RYR3: variants seen among roughly 807,000 people sequenced by gnomAD.
RYR3 encodes ryanodine receptor 3.
A neutral mutation model predicts 584.3 loss-of-function variants in RYR3; 207 were observed. The observed-to-expected ratio is 0.35, with a 90% CI of 0.32 to 0.40. The LOEUF is 0.40. Ranked by LOEUF, RYR3 falls within the 10% of genes least tolerant of loss-of-function variation. The probability of loss-of-function intolerance (pLI) is 1.00; values close to 1 mark genes in which losing one functional copy is unlikely to be tolerated. For missense variants in RYR3, 5,616 were observed against 6,089.2 expected (o/e 0.92, Z 2.59); for synonymous variants, 2,416 against 2,248.5 (o/e 1.07, Z -2.11).
intron 1 of RYR3, among the ~76,000 whole-genome samples, chr15:33,371,848 G>T (rs1324391058): frequency 6.6e-6 from 1 of 152,220 alleles, no homozygotes; most frequent in Non-Finnish European, 1.5e-5. Context: ...CCTGCTGTCA[G>T]ATGGGAGTTT....
intron 38 of RYR3, among the ~76,000 whole-genome samples, chr15:33,671,105 T>C (rs2063810432): frequency 6.6e-6 from 1 of 152,196 alleles, no homozygotes; most frequent in South Asian, 2.1e-4. Context: ...TGTCTAGATT[T>C]ATCTCTCTAA....
chr15:33,673,279 C>G (rs1258948720), intron 38 of RYR3, among the ~76,000 whole-genome samples: 2 of 152,248 alleles, frequency 1.3e-5, no homozygotes, highest in Non-Finnish European at 2.9e-5. Context: ...ACCCCGCAGT[C>G]CCTCTGCTGT....
intron 42 of RYR3, among the ~76,000 whole-genome samples, chr15:33,703,510 C>T (rs2066458524): frequency 6.6e-6 from 1 of 152,164 alleles, no homozygotes; most frequent in African/African-American, 2.4e-5. Flanking sequence ...TGCACGTATC[C>T]TTGCTATCTC....
At chr15:33,633,271 G>C (rs765512564) in intron 24 of RYR3, among the ~76,000 whole-genome samples, 163 bp downstream of exon 24, 2 of 152,232 alleles carry the variant, frequency 1.3e-5, no homozygotes, top group Non-Finnish European at 2.9e-5. Context: ...GGGCTGGACA[G>C]AATTTGTAAT....
chr15:33,512,998 G>A (rs1212641097), intron 3 of RYR3, among the ~76,000 whole-genome samples: 2 of 152,176 alleles, frequency 1.3e-5, no homozygotes. Context: ...TTGTAAAAAT[G>A]AATTTCAGCT....
chr15:33,464,503 T>TAA (rs1180164194), intron 1 of RYR3, among the ~76,000 whole-genome samples: 1 of 105,940 alleles, frequency 9.4e-6, no homozygotes, highest in Non-Finnish European at 2.0e-5. Flanking sequence ...CATATATATA[T>TAA]ACATACACAT....
In RYR3 at chr15:33,857,914, G is replaced by T; in HGVS notation, c.14142G>T (p.Thr4714=). 6.2e-7 allele frequency: 1 copy of T among 1,613,760 alleles called. No homozygotes were observed. The highest frequency in any genetic ancestry group is 8.5e-7 in the Non-Finnish European group (1 of 1,180,018). The change falls in exon 99 of 104, where the codon ACG becomes ACT. Residue 4714 remains threonine (T), a splice_region_variant and synonymous_variant. Coordinates refer to ENST00000634891, the MANE Select transcript of RYR3 (RefSeq NM_001036.6). ...EPDMKCDDMM[T]CYLFHMYVGV... ...ATATGAAGTGCGACGACATGATGACGGTGAGAGCCCACCCACTGCGGGGCC... is the reference window on the plus strand; with the variant it reads ...ATATGAAGTGCGACGACATGATGACTGTGAGAGCCCACCCACTGCGGGGCC...
Position 33,736,332 on chromosome 15 carries a change from A to G in RYR3, c.7515+7A>G. 6.3e-7 allele frequency: 1 copy of G among 1,592,336 alleles called. No individual in the cohort carries two copies. The highest frequency in any genetic ancestry group is 1.7e-5 in the Admixed American group (1 of 59,394). ...CTGCAAAATGCCTCTCAAGGTAAACATCACTATTGTTACAGAAATACAGTC... is the reference window on the plus strand; with the variant it reads ...CTGCAAAATGCCTCTCAAGGTAAACGTCACTATTGTTACAGAAATACAGTC... On this transcript the variant is annotated splice_region_variant and intron_variant, in intron 49 of 103. Transcript: ENST00000634891.
At chr15:33,755,218 A>G (rs537573097) in intron 58 of RYR3, 38 bp downstream of exon 58, 2 of 1,145,350 alleles carry the variant, frequency 1.7e-6, no homozygotes, top group African/African-American at 3.0e-5. Flanking sequence ...AGAATTCAAT[A>G]TTCTTTTATC....
intron 2 of RYR3, among the ~76,000 whole-genome samples, chr15:33,491,916 G>T (rs2050994763): frequency 6.6e-6 from 1 of 152,210 alleles, no homozygotes; most frequent in Admixed American, 6.5e-5. Flanking sequence ...AACCAGGAAA[G>T]ATTTGGGGAG....
intron 16 of RYR3, among the ~76,000 whole-genome samples, chr15:33,590,290 CAG>C (rs1265221683): frequency 1.3e-5 from 2 of 152,152 alleles, no homozygotes; most frequent in South Asian, 2.1e-4. Context: ...GTGCAGGTCT[CAG>C]GGGATACGTT....
intron 81 of RYR3, among the ~76,000 whole-genome samples, chr15:33,824,478 C>T (rs2077272167): frequency 6.6e-6 from 1 of 152,132 alleles, no homozygotes. Context: ...CAACTATGTC[C>T]AAATGTTCTT....
chr15:33,676,092 T>A (rs115590283), intron 38 of RYR3, among the ~76,000 whole-genome samples: 1 of 152,196 alleles, frequency 6.6e-6, no homozygotes, highest in East Asian at 1.9e-4. Flanking sequence ...TCTCGATTAT[T>A]GGAGTTGACC....
At chr15:33,857,710 A>T (rs1030153775) in intron 98 of RYR3, 70 bp from the exon 99 acceptor site, 2 of 1,575,368 alleles carry the variant, frequency 1.3e-6, no homozygotes, top group Non-Finnish European at 1.7e-6. Context: ...GTTTTCTTAG[A>T]GTCTCCTGTG....
At chr15:33,523,264 C>A (rs1301570490) in intron 3 of RYR3, among the ~76,000 whole-genome samples, 1 of 152,166 alleles carries the variant, frequency 6.6e-6, no homozygotes, top group Non-Finnish European at 1.5e-5. Context: ...GCAGCGGCAA[C>A]CTGCTGGTGT....
intron 64 of RYR3, among the ~76,000 whole-genome samples, chr15:33,775,392 A>T (rs1235215322): frequency 6.6e-6 from 1 of 152,180 alleles, no homozygotes; most frequent in Non-Finnish European, 1.5e-5. Context: ...AGGAAGAAAC[A>T]GCAGGCAGCT....
chr15:33,598,634 A>C (rs1228344018), intron 16 of RYR3, among the ~76,000 whole-genome samples: 4 of 85,966 alleles, frequency 4.7e-5, no homozygotes, highest in Admixed American at 2.8e-4. Flanking sequence ...GAAGCAGGAC[A>C]AAAAAAAAAA....
At chr15:33,849,721 C>G (rs935792522) in intron 94 of RYR3, 2 of 152,118 alleles carry the variant, frequency 1.3e-5, no homozygotes, top group African/African-American at 4.8e-5. Flanking sequence ...AAACAGCAAC[C>G]CTGACTCCAG....
In RYR3 at chr15:33,799,265, G is replaced by A. The variant is rs114897585; in HGVS notation, c.9831-1505G>A. On this transcript the variant is annotated intron_variant, in intron 67 of 103. Coordinates refer to ENST00000634891, the MANE Select transcript of RYR3 (RefSeq NM_001036.6). The stretch of plus-strand genomic sequence containing the variant: ...AGTTTATTCTAATGAGGTGACTCTT[G>A]GAGAATGGAGACTGGTTGCCAGATG... Among the ~76,000 whole-genome samples the A allele has an allele frequency of 9.1e-3, 1,378 of 152,244 alleles. 17 individuals are homozygous for A. The highest frequency in any genetic ancestry group is 0.032 in the African/African-American group (1,310 of 41,524).
Sources: gnomAD v4.1 joint callset for allele counts (sites outside exome capture counted in the v4.1 genomes callset) on GRCh38, gnomAD v4.1.1 for gene constraint, MANE v1.5 for transcripts, NCBI Gene and HGNC (gene_info 2026-07-23, HGNC 2026-07-21) for gene names.